The following SCHIP1 variants were observed in gnomAD, a reference collection of about 807,000 sequenced individuals.
The protein encoded by SCHIP1 is schwannomin-interacting protein 1.
A neutral mutation model predicts 29.7 loss-of-function variants in SCHIP1; 8 were observed. The observed-to-expected ratio is 0.27, with a 90% confidence interval of 0.16 to 0.49. The LOEUF is 0.49. Among genes scored for constraint, SCHIP1 ranks in the 20% least tolerant of loss-of-function variants. The pLI is 0.99. For missense variants in SCHIP1, 193 were observed against 294.6 expected, an observed-to-expected ratio of 0.66 and a Z score of 2.52; for synonymous variants, 76 against 94.9, an observed-to-expected ratio of 0.80 and a Z score of 1.16.
At chr3:159,665,841 T>C in the SCHIP1 span, among the ~76,000 whole-genome samples, 2 of 152,164 alleles carry the variant, frequency 1.3e-5, no homozygotes, top group East Asian at 3.8e-4. Flanking sequence ...GGCAGGCATT[T>C]CCCATTAGTC....
At chr3:159,806,083 A>G in the SCHIP1 span, among the ~76,000 whole-genome samples, 1 of 152,168 alleles carries the variant, frequency 6.6e-6, no homozygotes, top group Non-Finnish European at 1.5e-5. Flanking sequence ...GTACTGGATT[A>G]CAGGCGTGAG....
At chr3:159,312,505 G>C in the SCHIP1 span, among the ~76,000 whole-genome samples, 1 of 152,120 alleles carries the variant, frequency 6.6e-6, no homozygotes, top group Non-Finnish European at 1.5e-5. Context: ...TCCCACATAG[G>C]TCCAAAACTC....
chr3:159,794,614 G>A, the SCHIP1 span, among the ~76,000 whole-genome samples: 22 of 152,330 alleles, frequency 1.4e-4, no homozygotes, highest in African/African-American at 4.6e-4. Context: ...CTAGTGGTCA[G>A]TATACTTGTA....
chr3:159,882,978 C>T (rs558175098), intron 2 of SCHIP1, among the ~76,000 whole-genome samples: 6 of 152,280 alleles, frequency 3.9e-5, no homozygotes, highest in African/African-American at 1.2e-4. Flanking sequence ...TCCATGTTTC[C>T]GGGCATTCTC....
chr3:159,332,096 C>CAT, the SCHIP1 span, among the ~76,000 whole-genome samples: 1 of 152,208 alleles, frequency 6.6e-6, no homozygotes, highest in Non-Finnish European at 1.5e-5. Flanking sequence ...CATTTCTTAG[C>CAT]ATACCACAGT....
the SCHIP1 span, among the ~76,000 whole-genome samples, chr3:159,521,291 GA>G: frequency 6.6e-6 from 1 of 152,190 alleles, no homozygotes. Context: ...GCCAGTTGTA[GA>G]AATTCTACAG....
the SCHIP1 span, among the ~76,000 whole-genome samples, chr3:159,514,344 T>C: frequency 6.6e-6 from 1 of 152,242 alleles, no homozygotes; most frequent in African/African-American, 2.4e-5. Context: ...TATAGTACAT[T>C]CAGCTGGTTC....
At chr3:159,884,353 G>C (rs1334487260) in intron 2 of SCHIP1, among the ~76,000 whole-genome samples, 1 of 143,430 alleles carries the variant, frequency 7.0e-6, no homozygotes, top group Non-Finnish European at 1.5e-5. Flanking sequence ...CTGTGTCTGT[G>C]TGTGTGTGTG....
At chr3:159,401,443 C>T in the SCHIP1 span, 22 of 802,502 alleles carry the variant, frequency 2.7e-5, no homozygotes, top group Non-Finnish European at 3.3e-5. Context: ...GTTTTTTACC[C>T]TCTCGTTATA....
chr3:159,347,867 C>CA, the SCHIP1 span, among the ~76,000 whole-genome samples: 1 of 151,694 alleles, frequency 6.6e-6, no homozygotes, highest in Non-Finnish European at 1.5e-5. Flanking sequence ...TCATGCCTTT[C>CA]AAAAAAAGAT....
the SCHIP1 span, among the ~76,000 whole-genome samples, chr3:159,581,843 G>C: frequency 2.6e-5 from 4 of 152,196 alleles, no homozygotes; most frequent in Admixed American, 2.6e-4. Flanking sequence ...CAAAATGAAA[G>C]TTTTAATGAA....
the SCHIP1 span, among the ~76,000 whole-genome samples, chr3:159,286,395 G>T: frequency 5.9e-5 from 9 of 152,284 alleles, 1 homozygote; most frequent in African/African-American, 2.2e-4. Flanking sequence ...TGCTGCAAAA[G>T]ACATGATTTC....
the SCHIP1 span, among the ~76,000 whole-genome samples, chr3:159,388,373 T>C: frequency 3.3e-5 from 5 of 152,010 alleles, no homozygotes; most frequent in African/African-American, 1.2e-4. Context: ...TTAAGAAACA[T>C]GTAAAACCTA....
chr3:159,568,867 A>G, the SCHIP1 span, among the ~76,000 whole-genome samples: 1 of 152,156 alleles, frequency 6.6e-6, no homozygotes, highest in Non-Finnish European at 1.5e-5. Flanking sequence ...TCTCATTAGC[A>G]TGTAAATTTT....
chr3:159,273,977 A>G, the SCHIP1 span: 1 of 1,540,182 alleles, frequency 6.5e-7, no homozygotes, highest in Non-Finnish European at 8.8e-7. Flanking sequence ...GTAACTTTAA[A>G]TTTAAGCTGA....
chr3:159,328,396 T>A, the SCHIP1 span, among the ~76,000 whole-genome samples: 1 of 152,140 alleles, frequency 6.6e-6, no homozygotes, highest in Non-Finnish European at 1.5e-5. Context: ...GACAGAAGTA[T>A]GTCAGCACAC....
the SCHIP1 span, chr3:159,401,334 C>A: frequency 1.0e-6 from 1 of 956,858 alleles, no homozygotes; most frequent in Non-Finnish European, 1.2e-6. Flanking sequence ...ATCTTTGAGG[C>A]ATCTAGACTA....
chr3:159,821,152 G>A, the SCHIP1 span, among the ~76,000 whole-genome samples: 1 of 152,226 alleles, frequency 6.6e-6, no homozygotes, highest in African/African-American at 2.4e-5. Flanking sequence ...AGCCAGCTAT[G>A]TTGAACGTTG....
rs537108493 is a variant in SCHIP1, at chr3:159,895,494, G to A, written c.684-1229G>A. On this transcript the variant is annotated intron_variant, in intron 6 of 6. Transcript: ENST00000445224. Reference sequence around the variant, plus strand: ...GCCAAATTTATCATTTCCTAAAATCGTCCTTTAAAACCATTGTCTTTTGCA... The same window carrying A: ...GCCAAATTTATCATTTCCTAAAATCATCCTTTAAAACCATTGTCTTTTGCA... Among the ~76,000 whole-genome samples the A allele has an allele frequency of 8.5e-5, 13 of 152,132 alleles. No individual in the cohort carries two copies. The South Asian group carries it at 1.9e-3, about 22-fold the overall frequency.
Sources: allele counts gnomAD v4.1 joint callset (sites outside exome capture counted in the v4.1 genomes callset), GRCh38; gene constraint gnomAD v4.1.1; transcripts MANE v1.5; gene names NCBI Gene and HGNC (gene_info 2026-07-23, HGNC 2026-07-21).